SEMA5A: variants seen among roughly 807,000 people sequenced by gnomAD.
The protein encoded by SEMA5A is semaphorin-5A.
SEMA5A carries 55 observed loss-of-function variants against 135.5 expected under a neutral mutation model. That is an observed-to-expected ratio of 0.41 (90% CI 0.33 to 0.51). The LOEUF is 0.51. SEMA5A is among the 20% of genes least tolerant of loss of function. The pLI is 0.37. For missense variants in SEMA5A, 1,290 were observed against 1,419.9 expected (o/e 0.91, Z 1.47); for synonymous variants, 580 against 546.5 (o/e 1.06, Z -0.85).
At chr5:9,412,686 T>A (rs903469248) in intron 2 of SEMA5A, among the ~76,000 whole-genome samples, 1 of 151,884 alleles carries the variant, frequency 6.6e-6, no homozygotes, top group African/African-American at 2.4e-5. Flanking sequence ...AATCTCTTTA[T>A]GTTTAAATAC....
At chr5:9,280,211 C>T (rs1750468561) in intron 5 of SEMA5A, among the ~76,000 whole-genome samples, 2 of 152,198 alleles carry the variant, frequency 1.3e-5, no homozygotes, top group Non-Finnish European at 2.9e-5. Flanking sequence ...CTGATTTTTA[C>T]TTTACATTTA....
intron 5 of SEMA5A, among the ~76,000 whole-genome samples, chr5:9,310,662 C>A (rs1369119720): frequency 6.6e-6 from 1 of 151,268 alleles, no homozygotes; most frequent in African/African-American, 2.4e-5. Flanking sequence ...AGTGTTATGA[C>A]CCATTAGAGA....
intron 1 of SEMA5A, among the ~76,000 whole-genome samples, chr5:9,461,271 G>A (rs1336365640): frequency 1.3e-5 from 2 of 152,182 alleles, no homozygotes; most frequent in Non-Finnish European, 2.9e-5. Context: ...TTCTCCTCAA[G>A]GTGTCTTACA....
At position 9,103,307 on chromosome 5, in the gene SEMA5A, C is replaced by T. The variant is rs923390939; in HGVS notation, c.2073+4833G>A. On this transcript the variant is annotated intron_variant, in intron 16 of 22. Coordinates refer to ENST00000382496, the MANE Select transcript of SEMA5A (RefSeq NM_003966.3). ...CACAAAAATGTGATATTTTGTAATG[C>T]CTGTCATTATTTTCATGTGTCACAA... 5.9e-5 allele frequency among the ~76,000 whole-genome samples: 9 copies of T among 152,288 alleles called. No individual in the cohort carries two copies. The East Asian group carries it at 1.2e-3, about 20-fold the overall frequency.
At chr5:9,153,070 A>G (rs76239472) in intron 12 of SEMA5A, among the ~76,000 whole-genome samples, 1 of 6,372 alleles carries the variant, frequency 1.6e-4, no homozygotes, top group African/African-American at 7.4e-4. Context: ...TCCATTTCAG[A>G]AAAAAAAAAA....
intron 1 of SEMA5A, among the ~76,000 whole-genome samples, chr5:9,464,977 A>G (rs1759201016): frequency 6.6e-6 from 1 of 152,200 alleles, no homozygotes; most frequent in African/African-American, 2.4e-5. Context: ...GTAATCCCCA[A>G]AAATGCTTCC....
intron 1 of SEMA5A, among the ~76,000 whole-genome samples, chr5:9,507,855 T>C (rs927003515): frequency 5.9e-5 from 9 of 151,794 alleles, no homozygotes; most frequent in Non-Finnish European, 1.3e-4. Flanking sequence ...ATACAAAAAA[T>C]TAGCCGGGCA....
chr5:9,373,100 G>A (rs1223607547), intron 3 of SEMA5A, among the ~76,000 whole-genome samples: 3 of 152,098 alleles, frequency 2.0e-5, no homozygotes, highest in Admixed American at 2.0e-4. Flanking sequence ...AGAGGGGCTG[G>A]GGGCACAGTG....
intron 5 of SEMA5A, among the ~76,000 whole-genome samples, chr5:9,289,273 G>C (rs1215228924): frequency 6.6e-6 from 1 of 152,144 alleles, no homozygotes; most frequent in Non-Finnish European, 1.5e-5. Flanking sequence ...TTATGTTATA[G>C]TCTGATTTAA....
chr5:9,148,988 G>A (rs1030278032), intron 12 of SEMA5A, among the ~76,000 whole-genome samples: 2 of 152,222 alleles, frequency 1.3e-5, no homozygotes, highest in African/African-American at 2.4e-5. Flanking sequence ...CCAAAGTGCT[G>A]CAATTACAAG....
chr5:9,043,097 G>A (rs1179176839), intron 22 of SEMA5A, 81 bp from the exon 23 acceptor site: 2 of 1,260,662 alleles, frequency 1.6e-6, no homozygotes, highest in Non-Finnish European at 2.2e-6. Context: ...TGACTATTAT[G>A]TTGAATTTGA....
chr5:9,226,923 G>A lies in SEMA5A; in HGVS notation c.378C>T (p.Asp126=). 6.3e-7 allele frequency: 1 copy of A among 1,580,916 alleles called. No homozygotes were observed. Among genetic ancestry groups the A allele is most frequent in the Non-Finnish European group, 8.6e-7 (1 of 1,161,382 alleles). The change falls in exon 7 of 23, where the codon GAC becomes GAT. Residue 126 remains aspartate (D), a synonymous_variant. Transcript: ENST00000382496. ...NYIRVLLVGG[D]RLFTCGTNAF... is the part of the protein sequence containing the mutation. ...CATTGGTCCCACAGGTGAATAACCG[G>A]TCGCCACCCACCAGAAGCACCCGGA...
At chr5:9,349,770 C>T (rs1486864493) in intron 3 of SEMA5A, among the ~76,000 whole-genome samples, 1 of 152,040 alleles carries the variant, frequency 6.6e-6, no homozygotes, top group Non-Finnish European at 1.5e-5. Context: ...GGCATGGTGG[C>T]ATGCACCTGT....
chr5:9,042,998 A>G lies in SEMA5A; in HGVS notation c.3124T>C (p.Leu1042=). Residue 1042 remains leucine, a synonymous_variant, in exon 23 of 23, where the codon TTG becomes CTG. Coordinates refer to ENST00000382496, the MANE Select transcript of SEMA5A (RefSeq NM_003966.3). ...EAIKAFNKNN[L]ILEERNKYFN... ...TATTTGTTTCTTTCCTCTAGGATCA[A>G]GTTGTTTTTGTTAAATGCCTGGAAA... 6.2e-7 allele frequency: 1 copy of G among 1,607,708 alleles called. No individual in the cohort carries two copies.
At chr5:9,465,215 A>C (rs2126738954) in intron 1 of SEMA5A, among the ~76,000 whole-genome samples, 1 of 152,334 alleles carries the variant, frequency 6.6e-6, no homozygotes, top group South Asian at 2.1e-4. Context: ...GATCCCTGTG[A>C]AACTTTCTGC....
At chr5:9,515,660 T>C (rs1194279051) in intron 1 of SEMA5A, among the ~76,000 whole-genome samples, 2 of 152,172 alleles carry the variant, frequency 1.3e-5, no homozygotes, top group Non-Finnish European at 2.9e-5. Context: ...GCAGCTAACC[T>C]GATAGTCCCC....
chr5:9,112,234 CT>C (rs1300070732), intron 15 of SEMA5A, among the ~76,000 whole-genome samples: 12 of 152,174 alleles, frequency 7.9e-5, no homozygotes, highest in Non-Finnish European at 1.2e-4. Context: ...AAATTATCCA[CT>C]TTTTTTCACA....
rs1367817246 is a variant in SEMA5A at position 9,042,518 on chromosome 5, C to CTATT, written c.*375_*378dup. 7 of 231,388 alleles carry CTATT rather than the reference C, an allele frequency of 3.0e-5. No homozygotes were observed. The highest frequency in any genetic ancestry group is 1.4e-4 in the African/African-American group (6 of 42,172). 14.3% of individuals were successfully genotyped at this position (231,388 alleles called of 1,614,324 possible). On this transcript the variant is annotated 3_prime_UTR_variant, in exon 23 of 23. Coordinates refer to ENST00000382496, the MANE Select transcript of SEMA5A (RefSeq NM_003966.3). ...GGAGCAGGTCTTTCAGAGAAAGTGCCTATTTTCTTGAATTACAACATCATG... is the reference window on the plus strand; with the variant it reads ...GGAGCAGGTCTTTCAGAGAAAGTGCCTATTTATTTTCTTGAATTACAACATCATG...
intron 16 of SEMA5A, among the ~76,000 whole-genome samples, chr5:9,098,703 G>A (rs187210418): frequency 5.3e-4 from 80 of 152,258 alleles, no homozygotes; most frequent in African/African-American, 1.5e-3. Context: ...CTGCCTACTC[G>A]TGTAGGCCTA....
Sources: allele counts gnomAD v4.1 joint callset (sites outside exome capture counted in the v4.1 genomes callset), GRCh38; gene constraint gnomAD v4.1.1; transcripts MANE v1.5; gene names NCBI Gene and HGNC (gene_info 2026-07-23, HGNC 2026-07-21).